Variants in LRRC72 observed in about 807,000 individuals in gnomAD.
LRRC72 encodes the protein leucine-rich repeat-containing protein 72.
In LRRC72, 41 loss-of-function variants were observed where a neutral mutation model predicts 35.8. The observed-to-expected ratio is 1.15, with a 90% CI of 0.89 to 1.49. LRRC72 has a LOEUF of 1.49. Ranked by LOEUF, LRRC72 falls within the 40% of genes most tolerant of loss-of-function variation. The pLI is 0.00. For missense variants in LRRC72, 389 were observed against 330.7 expected (o/e 1.18, Z -1.37); for synonymous variants, 118 against 119.2 (o/e 0.99, Z 0.07).
At chr7:16,566,143 A>G (rs866769358) in intron 5 of LRRC72, among the ~76,000 whole-genome samples, 170 bp from the exon 6 acceptor site, 1 of 152,226 alleles carries the variant, frequency 6.6e-6, no homozygotes, top group Non-Finnish European at 1.5e-5. Context: ...CAGATAGAAA[A>G]ATTAACTGGT....
chr7:16,569,067 A>G (rs1395206629), intron 7 of LRRC72, among the ~76,000 whole-genome samples: 1 of 152,200 alleles, frequency 6.6e-6, no homozygotes, highest in African/African-American at 2.4e-5. Context: ...ATGCCCACAT[A>G]TATTCAACAA....
rs138704104 is a variant in LRRC72 at position 16,543,671 on chromosome 7, C to T, written c.234+5975C>T. On this transcript the variant is annotated intron_variant, in intron 3 of 8. Coordinates refer to ENST00000401542, the MANE Select transcript of LRRC72 (RefSeq NM_001195280.2). ...ATTAGTCACTGAACAGGCATCTAAC[C>T]TAATTGTAACAGACACATAAGGGCA... Among the ~76,000 whole-genome samples, 184 of 152,302 alleles carry T rather than the reference C, an allele frequency of 1.2e-3. 1 individual carries two copies. Among genetic ancestry groups the T allele is most frequent in the African/African-American group, 3.8e-3 (158 of 41,558 alleles).
intron 3 of LRRC72, among the ~76,000 whole-genome samples, chr7:16,550,171 C>T (rs113057874): frequency 1.7e-4 from 26 of 152,002 alleles, no homozygotes; most frequent in African/African-American, 5.1e-4. Context: ...TGACTGTGAT[C>T]GCACCACTGC....
chr7:16,564,245 T>C (rs1174426964), intron 5 of LRRC72, among the ~76,000 whole-genome samples: 2 of 152,344 alleles, frequency 1.3e-5, no homozygotes, highest in South Asian at 4.1e-4. Flanking sequence ...CAAAGCAGAC[T>C]TCTGTACTAA....
chr7:16,579,729 G>T (rs1322259365), intron 7 of LRRC72, among the ~76,000 whole-genome samples: 1 of 152,168 alleles, frequency 6.6e-6, no homozygotes, highest in African/African-American at 2.4e-5. Context: ...AAAAGGGATA[G>T]GTTTCTGCAT....
intron 5 of LRRC72, among the ~76,000 whole-genome samples, chr7:16,562,123 A>G (rs909218587): frequency 1.3e-5 from 2 of 152,164 alleles, no homozygotes; most frequent in East Asian, 3.9e-4. Context: ...GGAGGCCTAA[A>G]CCAGCTGCAG....
intron 5 of LRRC72, among the ~76,000 whole-genome samples, chr7:16,564,184 T>C (rs942818375): frequency 6.6e-6 from 1 of 152,202 alleles, no homozygotes; most frequent in Non-Finnish European, 1.5e-5. Context: ...GATGCTATAA[T>C]GTATAACAGG....
intron 5 of LRRC72, among the ~76,000 whole-genome samples, chr7:16,565,362 G>A (rs1192125768): frequency 6.6e-6 from 1 of 151,738 alleles, no homozygotes; most frequent in Non-Finnish European, 1.5e-5. Context: ...GAACCCGGGA[G>A]GCAGAGGTTG....
chr7:16,541,942 CAG>C (rs1376306148), intron 3 of LRRC72, among the ~76,000 whole-genome samples: 1 of 144,158 alleles, frequency 6.9e-6, no homozygotes, highest in Admixed American at 7.1e-5. Flanking sequence ...CACAGACAGA[CAG>C]ACACACACAC....
chr7:16,544,781 T>C (rs954812930), intron 3 of LRRC72, among the ~76,000 whole-genome samples: 3 of 152,238 alleles, frequency 2.0e-5, no homozygotes, highest in African/African-American at 7.2e-5. Flanking sequence ...CGACAGTAGC[T>C]TGGTATATTA....
At chr7:16,557,242 AC>A (rs1782664491) in intron 3 of LRRC72, 117 bp from the exon 4 acceptor site, 1 of 268,068 alleles carries the variant, frequency 3.7e-6, no homozygotes. Context: ...CAGAGGTCAA[AC>A]TTTTATTATC....
chr7:16,560,002 G>T (rs1782718811), intron 5 of LRRC72, among the ~76,000 whole-genome samples: 1 of 151,942 alleles, frequency 6.6e-6, no homozygotes, highest in African/African-American at 2.4e-5. Flanking sequence ...TGTGAGATGA[G>T]TCAAAAATAA....
chr7:16,566,961 G>T (rs1020595177), intron 6 of LRRC72, among the ~76,000 whole-genome samples: 1 of 152,040 alleles, frequency 6.6e-6, no homozygotes, highest in African/African-American at 2.4e-5. Context: ...GCCCCCAAAT[G>T]CTATATTATC....
rs1418737751 is a variant in LRRC72, at chr7:16,526,937, C to T, written c.-16C>T. ...GCCGGATTAATCACCGCTGCTTCGG[C>T]CGCCCATGTGTCCTGATGTCCTGGG... On this transcript the variant is annotated 5_prime_UTR_variant, in exon 1 of 9. Coordinates refer to ENST00000401542, the MANE Select transcript of LRRC72 (RefSeq NM_001195280.2). 1.3e-6 allele frequency: 2 copies of T among 1,537,448 alleles called. No homozygotes were observed. Among genetic ancestry groups the T allele is most frequent in the African/African-American group, 2.7e-5 (2 of 73,048 alleles).
rs146972753 is a variant in LRRC72, at chr7:16,541,996, C to T, written c.234+4300C>T. 4.0e-3 allele frequency among the ~76,000 whole-genome samples: 607 copies of T among 152,104 alleles called. 4 individuals carry two copies. The highest frequency in any genetic ancestry group is 0.014 in the African/African-American group (566 of 41,456). On this transcript the variant is annotated intron_variant, in intron 3 of 8. Coordinates refer to ENST00000401542, the MANE Select transcript of LRRC72 (RefSeq NM_001195280.2). ...AAAACTTGTCCTCGGTCACAGTGCG[C>T]GACTTCTGTTAGAAAAAGATGAAAA... is the stretch of plus-strand genomic sequence containing the variant.
At chr7:16,571,540 A>G (rs530271281) in intron 7 of LRRC72, among the ~76,000 whole-genome samples, 2 of 152,268 alleles carry the variant, frequency 1.3e-5, no homozygotes, top group Admixed American at 1.3e-4. Context: ...CAGCCCACGG[A>G]GGGACAGCCA....
intron 2 of LRRC72, among the ~76,000 whole-genome samples, chr7:16,536,305 G>A (rs752625299): frequency 2.0e-5 from 3 of 152,104 alleles, no homozygotes; most frequent in Non-Finnish European, 4.4e-5. Context: ...CAAAAAAAAT[G>A]TAGGAACAAC....
At chr7:16,561,421 G>A (rs1391790142) in intron 5 of LRRC72, among the ~76,000 whole-genome samples, 1 of 152,176 alleles carries the variant, frequency 6.6e-6, no homozygotes, top group Non-Finnish European at 1.5e-5. Flanking sequence ...AAGGTGCCCA[G>A]CCCAGGACTG....
In LRRC72 at chr7:16,528,381, C is replaced by T. The variant is rs193215333; in HGVS notation, c.90+1339C>T. The stretch of plus-strand genomic sequence containing the variant: ...TTTACCCTTGCAGCTTTCTGGTGGG[C>T]GCCTTGACCAGTCTGTTCCACCAGG... On this transcript the variant is annotated intron_variant, in intron 1 of 8. Transcript: ENST00000401542. Among the ~76,000 whole-genome samples, 27 of 152,194 alleles carry T rather than the reference C, an allele frequency of 1.8e-4. No individual in the cohort carries two copies. The South Asian group carries it at 2.9e-3, about 16-fold the overall frequency.
Sources: gnomAD v4.1 joint callset for allele counts (sites outside exome capture counted in the v4.1 genomes callset) on GRCh38, gnomAD v4.1.1 for gene constraint, MANE v1.5 for transcripts, NCBI Gene and HGNC (gene_info 2026-07-23, HGNC 2026-07-21) for gene names.